Variants in NKAIN2 observed in about 807,000 individuals in gnomAD.
The protein encoded by NKAIN2 is sodium/potassium transporting ATPase interacting 2.
In NKAIN2, 14 loss-of-function variants were observed where a neutral mutation model predicts 32.6. The ratio of observed to expected loss-of-function variants is 0.43; its 90% CI spans 0.28 to 0.67. NKAIN2 has a LOEUF of 0.67. NKAIN2 is among the 30% of genes least tolerant of loss of function. NKAIN2 has a pLI of 0.17. For synonymous variants in NKAIN2, 80 were observed against 87.2 expected (o/e 0.92, Z 0.46); for missense variants, 198 against 258.3 (o/e 0.77, Z 1.60).
At chr6:124,749,524 A>G (rs553809520) in intron 4 of NKAIN2, among the ~76,000 whole-genome samples, 1 of 152,084 alleles carries the variant, frequency 6.6e-6, no homozygotes, top group East Asian at 1.9e-4. Context: ...TCATCCTTGG[A>G]TAAGGTCCTA....
chr6:124,463,433 T>G (rs911016161), intron 3 of NKAIN2, among the ~76,000 whole-genome samples: 3 of 152,074 alleles, frequency 2.0e-5, no homozygotes, highest in Admixed American at 2.0e-4. Context: ...AATAAAAGTC[T>G]TCTACCATCT....
chr6:124,145,256 A>G (rs1308040520), intron 1 of NKAIN2, among the ~76,000 whole-genome samples: 1 of 152,152 alleles, frequency 6.6e-6, no homozygotes, highest in Non-Finnish European at 1.5e-5. Context: ...CACACAACCC[A>G]ACAATTATCC....
At chr6:124,131,179 C>G (rs1281814703) in intron 1 of NKAIN2, among the ~76,000 whole-genome samples, 1 of 152,150 alleles carries the variant, frequency 6.6e-6, no homozygotes, top group Non-Finnish European at 1.5e-5. Context: ...CAGTCTTCCT[C>G]TGTCACCCAG....
At chr6:123,837,631 A>G (rs1774686162) in intron 1 of NKAIN2, among the ~76,000 whole-genome samples, 1 of 152,156 alleles carries the variant, frequency 6.6e-6, no homozygotes, top group Non-Finnish European at 1.5e-5. Flanking sequence ...GTTAACAAAA[A>G]TTCATGTCTT....
chr6:124,450,906 ATAATCCAAATTGCTTAAGC>A (rs1776079415), intron 3 of NKAIN2, among the ~76,000 whole-genome samples: 1 of 152,234 alleles, frequency 6.6e-6, no homozygotes, highest in Admixed American at 6.5e-5. Context: ...TTAAACAAAT[ATAATCCAAATTGCTTAAGC>A]TACCTAGGGA....
rs1554222371 is a variant in NKAIN2, at chr6:123,911,809, A to ATATATGTGTATATATATATATATATG, written c.54+107559_54+107560insTGTGTATATATATATATATATGTATA. 1.7e-4 allele frequency among the ~76,000 whole-genome samples: 17 copies of ATATATGTGTATATATATATATATATG among 102,014 alleles called. 1 individual carries two copies. Among genetic ancestry groups the ATATATGTGTATATATATATATATATG allele is most frequent in the African/African-American group, 4.7e-4 (10 of 21,402 alleles). 66.9% of individuals were successfully genotyped at this position (102,014 alleles called of 152,430 possible). On this transcript the variant is annotated intron_variant, in intron 1 of 6. Transcript: ENST00000368417. ...TATATATATATATATATGTATATAT[A>ATATATGTGTATATATATATATATATG]TATACACACACACACACACACACAC...
At chr6:123,872,224 T>C (rs1170242164) in intron 1 of NKAIN2, among the ~76,000 whole-genome samples, 4 of 152,216 alleles carry the variant, frequency 2.6e-5, no homozygotes, top group Admixed American at 1.3e-4. Flanking sequence ...GTGTTCCCAA[T>C]TAAAACTGCT....
At chr6:124,266,320 C>T (rs1160717851) in intron 1 of NKAIN2, among the ~76,000 whole-genome samples, 1 of 152,146 alleles carries the variant, frequency 6.6e-6, no homozygotes, top group African/African-American at 2.4e-5. Flanking sequence ...CTCTGCTGCC[C>T]AGACTGGAGT....
At chr6:124,172,327 A>G (rs1213409560) in intron 1 of NKAIN2, among the ~76,000 whole-genome samples, 1 of 152,220 alleles carries the variant, frequency 6.6e-6, no homozygotes, top group Non-Finnish European at 1.5e-5. Context: ...ATTGAATAGA[A>G]CACTGGGATA....
intron 4 of NKAIN2, among the ~76,000 whole-genome samples, chr6:124,790,860 A>G (rs1779716361): frequency 6.6e-6 from 1 of 152,076 alleles, no homozygotes; most frequent in African/African-American, 2.4e-5. Flanking sequence ...GGCTCCTGTT[A>G]CAGATCTGCA....
chr6:124,279,837 G>A (rs748895483), intron 1 of NKAIN2, among the ~76,000 whole-genome samples: 23 of 152,046 alleles, frequency 1.5e-4, no homozygotes, highest in Non-Finnish European at 3.1e-4. Context: ...AAAATAATGT[G>A]ATTATCTCAA....
At chr6:124,217,980 G>GT (rs1395509392) in intron 1 of NKAIN2, among the ~76,000 whole-genome samples, 2 of 151,930 alleles carry the variant, frequency 1.3e-5, no homozygotes, top group Non-Finnish European at 1.5e-5. Flanking sequence ...GTCGTTTGCA[G>GT]TAAGAATGGA....
At chr6:123,806,803 T>G (rs756473017) in intron 1 of NKAIN2, among the ~76,000 whole-genome samples, 1 of 152,024 alleles carries the variant, frequency 6.6e-6, no homozygotes, top group East Asian at 1.9e-4. Context: ...AGTTAGAAAC[T>G]TTATTCAGTT....
At chr6:124,238,199 A>G (rs1019035056) in intron 1 of NKAIN2, among the ~76,000 whole-genome samples, 3 of 152,110 alleles carry the variant, frequency 2.0e-5, no homozygotes, top group Admixed American at 6.6e-5. Flanking sequence ...AGGAGCAGGA[A>G]TAGCGAAAAG....
At chr6:123,996,849 T>C (rs1199244284) in intron 1 of NKAIN2, among the ~76,000 whole-genome samples, 1 of 152,210 alleles carries the variant, frequency 6.6e-6, no homozygotes, top group Non-Finnish European at 1.5e-5. Flanking sequence ...AGCATATGTC[T>C]GCTTAATTTG....
chr6:124,412,799 C>T (rs1454999632), intron 3 of NKAIN2, among the ~76,000 whole-genome samples: 2 of 152,220 alleles, frequency 1.3e-5, no homozygotes, highest in African/African-American at 4.8e-5. Context: ...AGGCAGGCCT[C>T]CTTGATCTGT....
At chr6:124,728,729 G>C (rs1485754534) in intron 4 of NKAIN2, among the ~76,000 whole-genome samples, 2 of 150,316 alleles carry the variant, frequency 1.3e-5, no homozygotes, top group Non-Finnish European at 3.0e-5. Context: ...GAAGGAAATA[G>C]AGACACAAAA....
intron 3 of NKAIN2, among the ~76,000 whole-genome samples, chr6:124,602,695 T>G (rs1482399334): frequency 6.6e-6 from 1 of 151,982 alleles, no homozygotes; most frequent in East Asian, 1.9e-4. Flanking sequence ...CTTTCTACTT[T>G]GGAAACTCAG....
At chr6:123,871,125 T>C (rs1036091665) in intron 1 of NKAIN2, among the ~76,000 whole-genome samples, 2 of 152,250 alleles carry the variant, frequency 1.3e-5, no homozygotes, top group African/African-American at 4.8e-5. Flanking sequence ...CCAGTTTCGA[T>C]GTCCCTATCT....
Sources: gnomAD v4.1 joint callset for allele counts (sites outside exome capture counted in the v4.1 genomes callset) on GRCh38, gnomAD v4.1.1 for gene constraint, MANE v1.5 for transcripts, NCBI Gene and HGNC (gene_info 2026-07-23, HGNC 2026-07-21) for gene names.